ZC2HC1B: variants seen among roughly 807,000 people sequenced by gnomAD.
ZC2HC1B encodes the protein zinc finger C2HC domain-containing protein 1B.
In ZC2HC1B, 36 loss-of-function variants were observed where a neutral mutation model predicts 31.0. That is an observed-to-expected ratio of 1.16 (90% CI 0.89 to 1.54). The LOEUF is 1.54. ZC2HC1B is among the 40% of genes most tolerant of loss of function. The pLI, the probability that ZC2HC1B is intolerant of heterozygous loss-of-function variation, is 0.00. For synonymous variants in ZC2HC1B, 73 were observed against 88.0 expected (o/e 0.83, Z 0.95); for missense variants, 260 against 268.6 (o/e 0.97, Z 0.22).
At chr6:143,925,463 A>G (rs374900215) in intron 6 of ZC2HC1B, among the ~76,000 whole-genome samples, 4 of 151,256 alleles carry the variant, frequency 2.6e-5, no homozygotes, top group Admixed American at 6.6e-5. Context: ...GGTGTGAGCC[A>G]CTGCTCCCAG....
intron 4 of ZC2HC1B, among the ~76,000 whole-genome samples, chr6:143,891,124 C>T (rs968683954): frequency 7.2e-6 from 1 of 139,278 alleles, no homozygotes; most frequent in Non-Finnish European, 1.5e-5. Context: ...GAGCAAGACT[C>T]CATCTCAAAA....
chr6:143,886,217 G>T lies in ZC2HC1B; in HGVS notation c.210+66G>T. 1 of 1,364,198 alleles carries T rather than the reference G, an allele frequency of 7.3e-7. No homozygotes were observed. The allele number at this position is 1,364,198 out of a possible 1,614,324, so 84.5% of individuals were successfully genotyped here. On this transcript the variant is annotated intron_variant, in intron 3 of 7. Transcript: ENST00000237275. This position sits in a 1 kb window ranked among gnomAD's most constrained non-coding sequence, Gnocchi z 4.2. The stretch of plus-strand genomic sequence containing the variant: ...GCGGTACTGTAAGGCCTATTTCTGG[G>T]ATTTCTGGTTTCATTTTTGCTTGAT...
chr6:143,869,167 G>T lies in ZC2HC1B; in HGVS notation c.28+4600G>T, dbSNP rs1777306752. 6.6e-6 allele frequency among the ~76,000 whole-genome samples: 1 copy of T among 152,148 alleles called. No homozygotes were observed. Among genetic ancestry groups the T allele is most frequent in the African/African-American group, 2.4e-5 (1 of 41,436 alleles). On this transcript the variant is annotated intron_variant, in intron 1 of 7. Coordinates refer to ENST00000237275, the MANE Select transcript of ZC2HC1B (RefSeq NM_001013623.3). This position sits in a 1 kb window ranked among gnomAD's most constrained non-coding sequence, Gnocchi z 5.2. ...TCTGGGCCATTTGTAGTCCTGCCTG[G>T]ATTAGGCTGTTGTAGTTTCCCATTG... is the stretch of plus-strand genomic sequence containing the variant.
intron 1 of ZC2HC1B, among the ~76,000 whole-genome samples, chr6:143,867,053 A>T (rs1035565643): frequency 6.6e-6 from 1 of 152,234 alleles, no homozygotes; most frequent in African/African-American, 2.4e-5. Context: ...TTTCATGCAC[A>T]AAAGTATTTA....
At chr6:143,927,739 T>G (rs1301346489) in intron 6 of ZC2HC1B, among the ~76,000 whole-genome samples, 1 of 152,222 alleles carries the variant, frequency 6.6e-6, no homozygotes. Flanking sequence ...AGAAGTTGTC[T>G]AATTTACATT....
Position 143,911,028 on chromosome 6 carries a change from C to T in ZC2HC1B, c.598+7876C>T, listed in dbSNP as rs1445182237. 6.6e-6 allele frequency among the ~76,000 whole-genome samples: 1 copy of T among 152,194 alleles called. No homozygotes were observed. Among genetic ancestry groups the T allele is most frequent in the Non-Finnish European group, 1.5e-5 (1 of 68,030 alleles). ...TCGGCCTCCCAAAGTGCTAGGATTACAGGCATGAGCCACTGCGCCCAGCCC... is the reference window on the plus strand; with the variant it reads ...TCGGCCTCCCAAAGTGCTAGGATTATAGGCATGAGCCACTGCGCCCAGCCC... On this transcript the variant is annotated intron_variant, in intron 6 of 7. Transcript: ENST00000237275. This position sits in a 1 kb window ranked among gnomAD's most constrained non-coding sequence, Gnocchi z 4.5.
At position 143,903,068 on chromosome 6, in the gene ZC2HC1B, A is replaced by G. The variant is rs1347259958; in HGVS notation, c.514A>G (p.Lys172Glu). Residue 172 changes from lysine to glutamate, a missense_variant, in exon 6 of 8, where the codon AAA becomes GAA. Physicochemically the swap from Lys to Glu is moderately conservative, Grantham distance 56. Coordinates refer to ENST00000237275, the MANE Select transcript of ZC2HC1B (RefSeq NM_001013623.3). The surrounding 1 kb of genome is among the most constrained non-coding windows in gnomAD (Gnocchi z 4.3). ...AQGRAQMGPK[K>E]EPTVTSAVGA... ...GGGTAGGGCTCAGATGGGTCCAAAA[A>G]AAGAACCAACTGTTACCAGTGCTGT... 1 of 1,551,820 alleles carries G rather than the reference A, an allele frequency of 6.4e-7. No homozygotes were observed. Among genetic ancestry groups the G allele is most frequent in the South Asian group, 1.2e-5 (1 of 84,056 alleles).
At position 143,865,915 on chromosome 6, in the gene ZC2HC1B, A is replaced by C. The variant is rs917935712; in HGVS notation, c.28+1348A>C. Among the ~76,000 whole-genome samples the C allele has an allele frequency of 1.3e-5, 2 of 152,150 alleles. No homozygotes were observed. Among genetic ancestry groups the C allele is most frequent in the Non-Finnish European group, 2.9e-5 (2 of 68,022 alleles). Reference sequence around the variant, plus strand: ...ACTGCAACCTCCAACTCCCGGGTTCAGGCGATTCCCCTGCCTCAGCCTCCC... The same window carrying C: ...ACTGCAACCTCCAACTCCCGGGTTCCGGCGATTCCCCTGCCTCAGCCTCCC... On this transcript the variant is annotated intron_variant, in intron 1 of 7. Coordinates refer to ENST00000237275, the MANE Select transcript of ZC2HC1B (RefSeq NM_001013623.3). This position sits in a 1 kb window ranked among gnomAD's most constrained non-coding sequence, Gnocchi z 4.4.
Position 143,895,249 on chromosome 6 carries a change from G to A in ZC2HC1B, c.350-3303G>A, listed in dbSNP as rs1258252073. ...AGGACCTCGGGTCACTGCAAACTCC[G>A]CCTCCCAGGTTCAAGCAATTCTCCT... On this transcript the variant is annotated intron_variant, in intron 4 of 7. Coordinates refer to ENST00000237275, the MANE Select transcript of ZC2HC1B (RefSeq NM_001013623.3). The surrounding 1 kb of genome is among the most constrained non-coding windows in gnomAD (Gnocchi z 4.8). Among the ~76,000 whole-genome samples, 1 of 152,070 alleles carries A rather than the reference G, an allele frequency of 6.6e-6. No individual in the cohort carries two copies. Among genetic ancestry groups the A allele is most frequent in the Non-Finnish European group, 1.5e-5 (1 of 68,012 alleles).
Position 143,922,597 on chromosome 6 carries a change from C to T in ZC2HC1B, c.599-15052C>T, listed in dbSNP as rs886301023. Among the ~76,000 whole-genome samples, 1 of 152,192 alleles carries T rather than the reference C, an allele frequency of 6.6e-6. No homozygotes were observed. The highest frequency in any genetic ancestry group is 2.4e-5 in the African/African-American group (1 of 41,448). On this transcript the variant is annotated intron_variant, in intron 6 of 7. Coordinates refer to ENST00000237275, the MANE Select transcript of ZC2HC1B (RefSeq NM_001013623.3). The surrounding 1 kb of genome is among the most constrained non-coding windows in gnomAD (Gnocchi z 5.0). ...GTGATATTTGTCTTTCTGTGTCTGGCTTAATTCATTTAACAATAATGACCT... is the reference window on the plus strand; with the variant it reads ...GTGATATTTGTCTTTCTGTGTCTGGTTTAATTCATTTAACAATAATGACCT...
rs576943625 is a variant in ZC2HC1B, at chr6:143,872,910, C to G, written c.28+8343C>G. 1.4e-4 allele frequency among the ~76,000 whole-genome samples: 22 copies of G among 152,222 alleles called. No individual in the cohort carries two copies. The highest frequency in any genetic ancestry group is 5.1e-4 in the African/African-American group (21 of 41,546). The stretch of plus-strand genomic sequence containing the variant: ...GACACAACCAAACCATATCATTCTG[C>G]CCCTGGCCCCTGAAAATCTCATGTC... On this transcript the variant is annotated intron_variant, in intron 1 of 7. Transcript: ENST00000237275. The surrounding 1 kb of genome is among the most constrained non-coding windows in gnomAD (Gnocchi z 5.5).
rs1485185912 is a variant in ZC2HC1B at position 143,865,139 on chromosome 6, A to C, written c.28+572A>C. ...CTTAAATATTTTAATTTTATTCTGA[A>C]GAACAAATTCATGATACTTTAAATG... On this transcript the variant is annotated intron_variant, in intron 1 of 7. Coordinates refer to ENST00000237275, the MANE Select transcript of ZC2HC1B (RefSeq NM_001013623.3). The surrounding 1 kb of genome is among the most constrained non-coding windows in gnomAD (Gnocchi z 4.4). Among the ~76,000 whole-genome samples the C allele has an allele frequency of 1.3e-5, 2 of 152,256 alleles. No individual in the cohort carries two copies. Among genetic ancestry groups the C allele is most frequent in the Non-Finnish European group, 2.9e-5 (2 of 68,048 alleles).
rs537963117 is a variant in ZC2HC1B, at chr6:143,887,079, C to T, written c.349+258C>T. On this transcript the variant is annotated intron_variant, in intron 4 of 7. Coordinates refer to ENST00000237275, the MANE Select transcript of ZC2HC1B (RefSeq NM_001013623.3). This position sits in a 1 kb window ranked among gnomAD's most constrained non-coding sequence, Gnocchi z 5.1. ...CAAGAAACACCAGACACCTCTTAGCCGATAGGTATGGAGCTATGCAGAGCA... is the reference window on the plus strand; with the variant it reads ...CAAGAAACACCAGACACCTCTTAGCTGATAGGTATGGAGCTATGCAGAGCA... Among the ~76,000 whole-genome samples, 66 of 152,188 alleles carry T rather than the reference C, an allele frequency of 4.3e-4. No homozygotes were observed. Among genetic ancestry groups the T allele is most frequent in the African/African-American group, 9.6e-4 (40 of 41,528 alleles).
chr6:143,923,897 T>C lies in ZC2HC1B; in HGVS notation c.599-13752T>C, dbSNP rs1468056922. 6.6e-6 allele frequency among the ~76,000 whole-genome samples: 1 copy of C among 150,860 alleles called. No homozygotes were observed. The highest frequency in any genetic ancestry group is 1.9e-4 in the East Asian group (1 of 5,192). Reference sequence around the variant, plus strand: ...CAGGTATGTGATGCCTCCAGCTTTGTTTTTTTTTACTCAGGAACACTATGG... The same window carrying C: ...CAGGTATGTGATGCCTCCAGCTTTGCTTTTTTTTACTCAGGAACACTATGG... On this transcript the variant is annotated intron_variant, in intron 6 of 7. Coordinates refer to ENST00000237275, the MANE Select transcript of ZC2HC1B (RefSeq NM_001013623.3). The surrounding 1 kb of genome is among the most constrained non-coding windows in gnomAD (Gnocchi z 4.8).
chr6:143,907,736 C>T (rs1429641667), intron 6 of ZC2HC1B, among the ~76,000 whole-genome samples: 5 of 152,164 alleles, frequency 3.3e-5, no homozygotes, highest in Non-Finnish European at 7.3e-5. Context: ...TGTGTGTTCA[C>T]TCTATTGGTA....
chr6:143,898,666 C>G lies in ZC2HC1B; in HGVS notation c.464C>G (p.Ala155Gly). 6.4e-7 allele frequency: 1 copy of G among 1,552,104 alleles called. No homozygotes were observed. Among genetic ancestry groups the G allele is most frequent in the Non-Finnish European group, 8.7e-7 (1 of 1,147,074 alleles). The change falls in exon 5 of 8, where the codon GCA becomes GGA. Residue 155 changes from alanine to glycine, a missense_variant. Coordinates refer to ENST00000237275, the MANE Select transcript of ZC2HC1B (RefSeq NM_001013623.3). Reference sequence around the variant, plus strand: ...CGAGTCTTTAATCCAGCTCAGACAGCAGCCAAATTGGCATCCAGAGCTCAG... The same window carrying G: ...CGAGTCTTTAATCCAGCTCAGACAGGAGCCAAATTGGCATCCAGAGCTCAG... ...SRRVFNPAQT[A>G]AKLASRAQGR... is the part of the protein sequence containing the mutation.
chr6:143,906,385 ATTTTC>A (rs2128495562), intron 6 of ZC2HC1B, among the ~76,000 whole-genome samples: 1 of 151,438 alleles, frequency 6.6e-6, no homozygotes, highest in African/African-American at 2.4e-5. Flanking sequence ...TCATATCTCC[ATTTTC>A]TTTTCTGATT....
rs1315924846 is a variant in ZC2HC1B, at chr6:143,871,893, C to T, written c.28+7326C>T. Among the ~76,000 whole-genome samples the T allele has an allele frequency of 6.6e-6, 1 of 152,032 alleles. No homozygotes were observed. Among genetic ancestry groups the T allele is most frequent in the Admixed American group, 6.5e-5 (1 of 15,274 alleles). ...TGGGGAAATGACCACAGGATGAGTC[C>T]AGGGATCCACTGGACCCACTGTAAT... On this transcript the variant is annotated intron_variant, in intron 1 of 7. Transcript: ENST00000237275. The surrounding 1 kb of genome is among the most constrained non-coding windows in gnomAD (Gnocchi z 4.1).
intron 6 of ZC2HC1B, among the ~76,000 whole-genome samples, chr6:143,916,047 C>A (rs536949002): frequency 6.6e-6 from 1 of 152,152 alleles, no homozygotes. Flanking sequence ...TGTGGCAGCA[C>A]CTCCCATCAT....
Sources: allele counts gnomAD v4.1 joint callset (sites outside exome capture counted in the v4.1 genomes callset), GRCh38; gene constraint gnomAD v4.1.1; non-coding constraint Gnocchi (gnomAD v3.1); transcripts MANE v1.5; gene names NCBI Gene and HGNC (gene_info 2026-07-23, HGNC 2026-07-21).